Variants in RGS6 observed in about 807,000 individuals in gnomAD.
RGS6 encodes regulator of G protein signaling 6.
RGS6 carries 30 observed loss-of-function variants against 78.5 expected under a neutral mutation model. The observed-to-expected ratio is 0.38, with a 90% confidence interval of 0.29 to 0.52. The LOEUF is 0.52. RGS6 is among the 20% of genes least tolerant of loss of function. The probability of loss-of-function intolerance (pLI) is 0.85; values close to 1 mark genes in which losing one functional copy is unlikely to be tolerated. For synonymous variants in RGS6, 206 were observed against 206.0 expected (o/e 1.00, Z 0.00); for missense variants, 495 against 609.7 (o/e 0.81, Z 1.98).
chr14:72,062,869 C>A (rs1053045388), intron 2 of RGS6, among the ~76,000 whole-genome samples: 2 of 152,242 alleles, frequency 1.3e-5, no homozygotes, highest in South Asian at 4.2e-4. Context: ...CTCTGTCATC[C>A]GGGCTAGAGT....
chr14:72,055,157 C>T (rs1254637429), intron 2 of RGS6, among the ~76,000 whole-genome samples: 1 of 152,184 alleles, frequency 6.6e-6, no homozygotes, highest in Non-Finnish European at 1.5e-5. Flanking sequence ...AGTACAGCAA[C>T]CACTGCTGTG....
At chr14:72,284,252 A>G (rs2062086358) in intron 2 of RGS6, among the ~76,000 whole-genome samples, 2 of 152,242 alleles carry the variant, frequency 1.3e-5, no homozygotes, top group Non-Finnish European at 2.9e-5. Context: ...TTGCAAAAGT[A>G]ACAAGGAACC....
At position 72,540,867 on chromosome 14, in the gene RGS6, C is replaced by T. The variant is rs540285801; in HGVS notation, c.1422+773C>T. 11 of 985,368 alleles carry T rather than the reference C, an allele frequency of 1.1e-5. No individual in the cohort carries two copies. The East Asian group carries it at 1.2e-3, about 112-fold the overall frequency. 61.0% of individuals were successfully genotyped at this position (985,368 alleles called of 1,614,324 possible). On this transcript the variant is annotated intron_variant, in intron 17 of 17. Coordinates refer to ENST00000553525, the MANE Select transcript of RGS6 (RefSeq NM_001204424.2). ...CGCCCCAGCTAGAGAGGTAGAGCTC[C>T]CCACAGTGGCACATAAAGACAGCCG...
At chr14:72,058,701 C>T (rs1026806868) in intron 2 of RGS6, among the ~76,000 whole-genome samples, 1 of 152,170 alleles carries the variant, frequency 6.6e-6, no homozygotes, top group African/African-American at 2.4e-5. Context: ...GCTGGAGGCA[C>T]AACTTTGTCT....
At chr14:72,575,386 T>C in the RGS6 span, among the ~76,000 whole-genome samples, 2 of 152,138 alleles carry the variant, frequency 1.3e-5, no homozygotes, top group African/African-American at 4.8e-5. Flanking sequence ...GGTGCCCTTG[T>C]CCTGAGGGAA....
At chr14:72,229,530 A>G (rs1248193528) in intron 2 of RGS6, among the ~76,000 whole-genome samples, 2 of 152,094 alleles carry the variant, frequency 1.3e-5, no homozygotes, top group Non-Finnish European at 2.9e-5. Flanking sequence ...ATGTTGTTAA[A>G]TATATGGCAG....
intron 2 of RGS6, among the ~76,000 whole-genome samples, chr14:72,014,268 A>G (rs1246679011): frequency 1.7e-4 from 26 of 152,246 alleles, no homozygotes; most frequent in Non-Finnish European, 4.4e-5. Context: ...CTGAATTAAA[A>G]AAGTCAGACA....
the RGS6 span, among the ~76,000 whole-genome samples, chr14:72,622,091 CTT>C: frequency 6.6e-6 from 1 of 152,200 alleles, no homozygotes; most frequent in South Asian, 2.1e-4. Flanking sequence ...TTGACCTTGT[CTT>C]CATGGAGAAG....
intron 2 of RGS6, among the ~76,000 whole-genome samples, chr14:72,010,225 A>G (rs1040003976): frequency 7.9e-5 from 12 of 152,158 alleles, no homozygotes; most frequent in Admixed American, 4.6e-4. Flanking sequence ...TCAGGGCCTT[A>G]TAAGATATTA....
At chr14:72,248,704 T>C (rs987365617) in intron 2 of RGS6, among the ~76,000 whole-genome samples, 4 of 152,240 alleles carry the variant, frequency 2.6e-5, no homozygotes, top group African/African-American at 7.2e-5. Context: ...ATGTTAATTC[T>C]TTGGCTTTGC....
intron 6 of RGS6, among the ~76,000 whole-genome samples, chr14:72,464,314 C>T (rs1001897333): frequency 6.6e-6 from 1 of 152,090 alleles, no homozygotes; most frequent in African/African-American, 2.4e-5. Context: ...TTCATTGAGA[C>T]GTGTGATATT....
At chr14:72,356,721 ATC>A (rs75051108) in intron 3 of RGS6, among the ~76,000 whole-genome samples, 3,156 of 152,234 alleles carry the variant, frequency 0.021, 51 homozygotes, top group Non-Finnish European at 0.031. Context: ...TTCTAATGAG[ATC>A]TGATGATTTC....
chr14:72,052,555 A>G (rs573065885), intron 2 of RGS6, among the ~76,000 whole-genome samples: 1 of 152,220 alleles, frequency 6.6e-6, no homozygotes, highest in African/African-American at 2.4e-5. Context: ...GACTGAAAAC[A>G]GGGCAGACCA....
intron 2 of RGS6, among the ~76,000 whole-genome samples, chr14:72,070,069 A>C (rs1273119980): frequency 6.6e-6 from 1 of 151,848 alleles, no homozygotes; most frequent in African/African-American, 2.4e-5. Flanking sequence ...ACTGTTACTA[A>C]ACTATACATT....
chr14:71,924,537 A>G, the RGS6 span, among the ~76,000 whole-genome samples: 3 of 152,190 alleles, frequency 2.0e-5, no homozygotes, highest in Non-Finnish European at 4.4e-5. Flanking sequence ...TTTGACCTAC[A>G]TCTTCTCATT....
chr14:72,209,677 G>A, intron 2 of RGS6, among the ~76,000 whole-genome samples: 1 of 152,164 alleles, frequency 6.6e-6, no homozygotes, highest in East Asian at 1.9e-4. Context: ...GAAAAGCACT[G>A]AGTAGCCTCA....
intron 2 of RGS6, among the ~76,000 whole-genome samples, chr14:72,146,956 T>C (rs989553875): frequency 6.6e-6 from 1 of 152,186 alleles, no homozygotes; most frequent in Non-Finnish European, 1.5e-5. Context: ...TAGACACAAT[T>C]CCACCAAGTT....
chr14:72,217,355 C>T (rs1299952931), intron 2 of RGS6, among the ~76,000 whole-genome samples: 3 of 152,140 alleles, frequency 2.0e-5, no homozygotes, highest in Non-Finnish European at 4.4e-5. Flanking sequence ...AGGAAGACTG[C>T]CTGGATATTA....
intron 2 of RGS6, among the ~76,000 whole-genome samples, chr14:72,263,921 G>A (rs2238213): frequency 0.56 from 85,832 of 151,996 alleles, 24,636 homozygotes; most frequent in African/African-American, 0.65. Flanking sequence ...AAATTCTTGG[G>A]GTCAAGTGTG....
Sources: allele counts gnomAD v4.1 joint callset (sites outside exome capture counted in the v4.1 genomes callset), GRCh38; gene constraint gnomAD v4.1.1; transcripts MANE v1.5; gene names NCBI Gene and HGNC (gene_info 2026-07-23, HGNC 2026-07-21).